Variants in MAML2 observed in about 807,000 individuals in gnomAD.
MAML2 encodes mastermind-like protein 2.
Under a neutral mutation model 96.1 loss-of-function variants are expected in MAML2, and 22 were observed. That is an observed-to-expected ratio of 0.23 (90% CI 0.16 to 0.33). MAML2 has a LOEUF of 0.33. MAML2 is among the 10% of genes least tolerant of loss of function. MAML2 has a pLI of 1.00. For missense variants in MAML2, 1,367 were observed against 1,392.4 expected (o/e 0.98, Z 0.29); for synonymous variants, 561 against 521.3 (o/e 1.08, Z -1.04).
At chr11:96,022,549 T>C (rs1858451689) in intron 2 of MAML2, among the ~76,000 whole-genome samples, 1 of 152,088 alleles carries the variant, frequency 6.6e-6, no homozygotes, top group African/African-American at 2.4e-5. Context: ...GTGACAGTGG[T>C]TGGATTTAGT....
chr11:96,181,184 A>G (rs890262970), intron 1 of MAML2, among the ~76,000 whole-genome samples: 4 of 152,142 alleles, frequency 2.6e-5, no homozygotes, highest in African/African-American at 9.7e-5. Context: ...GTCACAGGGG[A>G]TGTGATGGCT....
chr11:96,189,662 T>A (rs1442257885), intron 1 of MAML2, among the ~76,000 whole-genome samples: 1 of 152,248 alleles, frequency 6.6e-6, no homozygotes, highest in African/African-American at 2.4e-5. Flanking sequence ...CATAAGCTAT[T>A]AGAATGTGAA....
chr11:96,129,547 A>G (rs920848747), intron 1 of MAML2, among the ~76,000 whole-genome samples: 1 of 152,322 alleles, frequency 6.6e-6, no homozygotes, highest in African/African-American at 2.4e-5. Context: ...AATCCACACA[A>G]ACTAAATCCA....
intron 2 of MAML2, among the ~76,000 whole-genome samples, chr11:96,055,160 C>T (rs530355548): frequency 1.3e-5 from 2 of 152,258 alleles, no homozygotes; most frequent in East Asian, 3.9e-4. Flanking sequence ...GAAAAGGTTG[C>T]TGGAAATATA....
At chr11:96,171,104 C>G (rs1352562360) in intron 1 of MAML2, among the ~76,000 whole-genome samples, 2 of 152,028 alleles carry the variant, frequency 1.3e-5, no homozygotes, top group Admixed American at 6.6e-5. Flanking sequence ...TCTCTTACCT[C>G]CACCTCTTTT....
chr11:96,092,127 G>A lies in MAML2; in HGVS notation c.1904C>T (p.Ser635Leu). The A allele has an allele frequency of 6.5e-7, 1 of 1,543,100 alleles. No individual in the cohort carries two copies. Among genetic ancestry groups the A allele is most frequent in the Non-Finnish European group, 8.7e-7 (1 of 1,143,992 alleles). The change falls in exon 2 of 5, where the codon TCA becomes TTA. Residue 635 changes from serine to leucine, a missense_variant. Transcript: ENST00000524717. The surrounding 1 kb of genome is among the most constrained non-coding windows in gnomAD (Gnocchi z 4.1). ...SAQQQQQQQS[S>L]ISAQQQQQQQ... is the part of the protein sequence containing the mutation. ...CTGCTGCTGCTGTTGGGCTGAAATTGAGCTCTGCTGCTGTTGCTGTTGTTG... is the reference window on the plus strand; with the variant it reads ...CTGCTGCTGCTGTTGGGCTGAAATTAAGCTCTGCTGCTGTTGCTGTTGTTG...
intron 2 of MAML2, among the ~76,000 whole-genome samples, chr11:96,018,258 C>T (rs566855115): frequency 2.0e-5 from 3 of 151,100 alleles, no homozygotes; most frequent in Non-Finnish European, 4.4e-5. Flanking sequence ...GGGAATTTAA[C>T]CTGGGATATG....
chr11:96,255,937 G>T (rs1030212479), intron 1 of MAML2, among the ~76,000 whole-genome samples: 1 of 140,404 alleles, frequency 7.1e-6, no homozygotes, highest in Non-Finnish European at 1.5e-5. Context: ...GCAATGGCGC[G>T]ATCTTGGCTT....
intron 1 of MAML2, among the ~76,000 whole-genome samples, chr11:96,127,035 C>A (rs943538071): frequency 6.6e-6 from 1 of 152,158 alleles, no homozygotes; most frequent in Non-Finnish European, 1.5e-5. Context: ...GTTGGTGTTT[C>A]CATCTGCAAA....
chr11:96,133,012 A>C (rs1340716158), intron 1 of MAML2, among the ~76,000 whole-genome samples: 1 of 152,194 alleles, frequency 6.6e-6, no homozygotes, highest in African/African-American at 2.4e-5. Flanking sequence ...ATGTCTACTT[A>C]AGTGTTACAT....
At chr11:96,159,247 G>T (rs1861059256) in intron 1 of MAML2, among the ~76,000 whole-genome samples, 1 of 151,942 alleles carries the variant, frequency 6.6e-6, no homozygotes, top group African/African-American at 2.4e-5. Flanking sequence ...TTACCAAATG[G>T]CTTGCCATCC....
intron 1 of MAML2, among the ~76,000 whole-genome samples, chr11:96,217,453 C>A (rs1862067208): frequency 6.6e-6 from 1 of 152,156 alleles, no homozygotes; most frequent in East Asian, 1.9e-4. Context: ...TATGAGACAC[C>A]ATATTTAGAT....
chr11:96,202,350 C>A (rs1027438194), intron 1 of MAML2, among the ~76,000 whole-genome samples: 1,242 of 107,044 alleles, frequency 0.012, no homozygotes, highest in Middle Eastern at 0.03. Flanking sequence ...GACTCCATCT[C>A]AAAAAAAAAA....
intron 1 of MAML2, among the ~76,000 whole-genome samples, chr11:96,111,902 T>C (rs1860130013): frequency 6.6e-6 from 1 of 151,804 alleles, no homozygotes; most frequent in Non-Finnish European, 1.5e-5. Flanking sequence ...ACATTTTAAT[T>C]TCTTTTGATT....
chr11:96,320,685 G>A (rs1020118419), intron 1 of MAML2, among the ~76,000 whole-genome samples: 1 of 152,200 alleles, frequency 6.6e-6, no homozygotes, highest in Non-Finnish European at 1.5e-5. Flanking sequence ...GAGTTTGTGA[G>A]GTAGAGATGT....
rs74799248 is a variant in MAML2, at chr11:96,103,478, G to A, written c.514-9961C>T. The stretch of plus-strand genomic sequence containing the variant: ...AATATCAGCAAATCCCATATGGCAG[G>A]GAGAGTGCCCTAACAGTGTTCGAGG... On this transcript the variant is annotated intron_variant, in intron 1 of 4. Transcript: ENST00000524717. Among the ~76,000 whole-genome samples, 1,115 of 152,248 alleles carry A rather than the reference G, an allele frequency of 7.3e-3. 17 individuals carry two copies. The highest frequency in any genetic ancestry group is 0.025 in the African/African-American group (1,050 of 41,530).
At chr11:96,144,831 C>T (rs75684426) in intron 1 of MAML2, among the ~76,000 whole-genome samples, 1,548 of 152,238 alleles carry the variant, frequency 0.01, 18 homozygotes, top group Admixed American at 0.021. Flanking sequence ...TTGTTTCACT[C>T]TTATACAAAT....
intron 1 of MAML2, among the ~76,000 whole-genome samples, chr11:96,234,736 T>C (rs1317294538): frequency 2.0e-5 from 3 of 152,228 alleles, no homozygotes; most frequent in Non-Finnish European, 2.9e-5. Context: ...CCAAGAGGAA[T>C]TTTGCTGTAC....
At chr11:96,068,624 C>T (rs531436899) in intron 2 of MAML2, among the ~76,000 whole-genome samples, 4 of 151,886 alleles carry the variant, frequency 2.6e-5, no homozygotes, top group Non-Finnish European at 4.4e-5. Flanking sequence ...GTCAGGAGAT[C>T]GAGACCATCC....
Sources: gnomAD v4.1 joint callset for allele counts (sites outside exome capture counted in the v4.1 genomes callset) on GRCh38, gnomAD v4.1.1 for gene constraint, Gnocchi (gnomAD v3.1) non-coding constraint, MANE v1.5 for transcripts, NCBI Gene and HGNC (gene_info 2026-07-23, HGNC 2026-07-21) for gene names.